Variants in POLQ observed in about 807,000 individuals in gnomAD.
POLQ encodes DNA polymerase theta.
Under a neutral mutation model 259.2 loss-of-function variants are expected in POLQ, and 233 were observed. The ratio of observed to expected loss-of-function variants is 0.90; its 90% CI spans 0.81 to 1.00. The LOEUF (loss-of-function observed/expected upper bound fraction) is 1.00. POLQ is among the 50% of genes least tolerant of loss of function. The probability of loss-of-function intolerance (pLI) is 0.00; values close to 1 mark genes in which losing one functional copy is unlikely to be tolerated. For synonymous variants in POLQ, 1,025 were observed against 1,048.8 expected (o/e 0.98, Z 0.44); for missense variants, 2,871 against 3,051.6 (o/e 0.94, Z 1.39).
chr3:121,493,607 C>CG lies in POLQ; in HGVS notation c.2392dup (p.Arg798ProfsTer26). On this transcript the variant is annotated frameshift_variant, in exon 15 of 30. Transcript: ENST00000264233. LOFTEE classifies it high-confidence loss of function. ...TCTCTGAGCATTTAGTAAGGATACCCGAACCAGGTCACACAGCTCCCTCTG... is the reference window on the plus strand; with the variant it reads ...TCTCTGAGCATTTAGTAAGGATACCCGGAACCAGGTCACACAGCTCCCTCTG... 6.2e-7 allele frequency: 1 copy of CG among 1,614,104 alleles called. No individual in the cohort carries two copies. Among genetic ancestry groups the CG allele is most frequent in the Non-Finnish European group, 8.5e-7 (1 of 1,180,002 alleles).
At chr3:121,494,552 A>G in intron 14 of POLQ, 2 of 1,582,904 alleles carry the variant, frequency 1.3e-6, no homozygotes, top group Non-Finnish European at 1.7e-6. Flanking sequence ...CTTGGTGGAG[A>G]ACAAGAAAGC....
chr3:121,455,528 C>CA (rs141132442), intron 25 of POLQ, among the ~76,000 whole-genome samples: 38 of 149,276 alleles, frequency 2.5e-4, no homozygotes, highest in African/African-American at 6.7e-4. Context: ...CAAATAGACA[C>CA]AAAAAAAAAA....
In POLQ at chr3:121,487,448, A is replaced by G; in HGVS notation, c.5483T>C (p.Ile1828Thr). Residue 1828 changes from isoleucine (I) to threonine (T), a missense_variant, in exon 16 of 30, where the codon ATT (isoleucine) becomes ACT (threonine). By Grantham distance (89) the Ile-to-Thr change is moderately conservative (BLOSUM62 -1). Coordinates refer to ENST00000264233, the MANE Select transcript of POLQ (RefSeq NM_199420.4). ...AAGATTTTGGTCACTTGCTACATCA[A>G]TTATGGACAAACTTTCTGAACTGCT... is the stretch of plus-strand genomic sequence containing the variant. ...ASSSSESLSIIDVASDQNLFQ... is the reference protein window; with the variant it reads ...ASSSSESLSITDVASDQNLFQ... The G allele has an allele frequency of 6.2e-7, 1 of 1,614,090 alleles. No homozygotes were observed.
At chr3:121,476,765 T>G in intron 19 of POLQ, 32 bp from the exon 20 acceptor site, 1 of 1,488,480 alleles carries the variant, frequency 6.7e-7, no homozygotes, top group East Asian at 2.3e-5. Context: ...AAACGTTAAT[T>G]CATTGGCTAA....
chr3:121,501,623 CT>C (rs2048169116), intron 12 of POLQ, among the ~76,000 whole-genome samples: 1 of 123,242 alleles, frequency 8.1e-6, no homozygotes, highest in Non-Finnish European at 1.6e-5. Context: ...GATCCCGCCA[CT>C]GCACTCCAGC....
At chr3:121,447,373 T>A (rs777181690) in intron 26 of POLQ, among the ~76,000 whole-genome samples, 19 of 152,054 alleles carry the variant, frequency 1.2e-4, no homozygotes, top group Admixed American at 3.3e-4. Context: ...AGTTTCACCA[T>A]GTTGGTCTTG....
intron 25 of POLQ, among the ~76,000 whole-genome samples, chr3:121,458,031 T>C (rs1239740890): frequency 6.6e-6 from 1 of 152,160 alleles, no homozygotes; most frequent in East Asian, 1.9e-4. Flanking sequence ...GTGGCACATA[T>C]ACACCATGGA....
Position 121,468,582 on chromosome 3 carries a change from T to C in POLQ, c.6719-151A>G, listed in dbSNP as rs2047857469. The C allele has an allele frequency of 7.0e-6, 4 of 572,494 alleles. No homozygotes were observed. In the South Asian group the frequency reaches 7.3e-5, roughly 10 times the overall value. The allele number at this position is 572,494 out of a possible 1,614,324, so 35.5% of individuals were successfully genotyped here. A position where few individuals can be genotyped will look rare whatever the true frequency, so the allele number is the denominator to read the frequency against. On this transcript the variant is annotated intron_variant, in intron 22 of 29. Transcript: ENST00000264233. ...ATTTAAATATTTTTCATCATGTTCA[T>C]GTGTCTAACAATGATAAAATAAGTA...
At chr3:121,527,110 G>C (rs911278608) in intron 7 of POLQ, among the ~76,000 whole-genome samples, 3 of 151,992 alleles carry the variant, frequency 2.0e-5, no homozygotes, top group African/African-American at 7.2e-5. Context: ...GCCCAGGGTG[G>C]AGTGCGGTGG....
intron 14 of POLQ, 40 bp downstream of exon 14, chr3:121,496,768 C>A: frequency 6.4e-7 from 1 of 1,570,404 alleles, no homozygotes; most frequent in South Asian, 1.2e-5. Flanking sequence ...GACCTCAAAT[C>A]ACAGTATTAA....
chr3:121,514,270 G>C (rs566793021), intron 9 of POLQ, among the ~76,000 whole-genome samples: 47 of 148,716 alleles, frequency 3.2e-4, no homozygotes, highest in South Asian at 2.2e-3. Flanking sequence ...GGAGGTTGCA[G>C]TGAACCAAGA....
At chr3:121,543,281 A>C (rs964727975) in intron 2 of POLQ, among the ~76,000 whole-genome samples, 8 of 152,206 alleles carry the variant, frequency 5.3e-5, no homozygotes. Flanking sequence ...ACTTCTTAGC[A>C]TTTACAAGTA....
At position 121,496,811 on chromosome 3, in the gene POLQ, C is replaced by G. The variant is rs1467176430; in HGVS notation, c.2275G>C (p.Ala759Pro). ...QSLQQSAAVY[A>P]GMITVFSNRL... is the part of the protein sequence containing the mutation. ...TGAAACCCTTTGTTTAACTGACCTG[C>G]ATAAACAGCAGCTGACTGTTGCAAA... The change falls in exon 14 of 30, where the codon GCA (alanine) becomes CCA (proline). Residue 759 changes from alanine (A) to proline (P), a missense_variant. Ala to Pro is a conservative substitution (Grantham distance 27). This residue lies in a region of POLQ where 8 missense variants were observed against 19.3 expected (regional missense o/e 0.41). Coordinates refer to ENST00000264233, the MANE Select transcript of POLQ (RefSeq NM_199420.4). The G allele has an allele frequency of 6.2e-7, 1 of 1,611,414 alleles. No homozygotes were observed. Among genetic ancestry groups the G allele is most frequent in the Admixed American group, 1.7e-5 (1 of 59,124 alleles).
chr3:121,530,631 A>C (rs7622867), intron 6 of POLQ, among the ~76,000 whole-genome samples: 1 of 152,030 alleles, frequency 6.6e-6, no homozygotes, highest in Non-Finnish European at 1.5e-5. Flanking sequence ...ATTATCTCAA[A>C]GAAAGGCAAC....
chr3:121,481,532 C>A (rs763499967), intron 19 of POLQ, 40 bp downstream of exon 19: 6 of 1,536,630 alleles, frequency 3.9e-6, no homozygotes, highest in Non-Finnish European at 5.3e-6. Flanking sequence ...ATCTCTATCT[C>A]TAATCTATAA....
chr3:121,494,456 T>G, intron 14 of POLQ: 1 of 1,511,664 alleles, frequency 6.6e-7, no homozygotes, highest in East Asian at 2.3e-5. Flanking sequence ...GCTGTTGGCC[T>G]GGGCCAAGAA....
intron 8 of POLQ, 86 bp downstream of exon 8, chr3:121,521,917 C>T: frequency 1.0e-6 from 1 of 986,894 alleles, no homozygotes; most frequent in Middle Eastern, 2.2e-4. Flanking sequence ...GTGTGTTTAA[C>T]AAGAAATAAA....
intron 17 of POLQ, 65 bp downstream of exon 17, chr3:121,484,976 A>T: frequency 8.6e-7 from 1 of 1,168,106 alleles, no homozygotes; most frequent in Non-Finnish European, 1.2e-6. Flanking sequence ...TCAAAATATA[A>T]GATCACTACC....
At position 121,488,291 on chromosome 3, in the gene POLQ, T is replaced by C. The variant is rs755180976; in HGVS notation, c.4640A>G (p.Gln1547Arg). 6.2e-7 allele frequency: 1 copy of C among 1,612,612 alleles called. No individual in the cohort carries two copies. Among genetic ancestry groups the C allele is most frequent in the South Asian group, 1.1e-5 (1 of 90,736 alleles). ...AGATTCATCATTGGAACAAGTCAAC[T>C]GCTGGTGGGTATCTTGATTCTCATT... ...NVNENQDTHQ[Q>R]LTCSNDESII... Residue 1547 changes from glutamine to arginine, a missense_variant, in exon 16 of 30, where the codon CAG (glutamine) becomes CGG (arginine). Gln to Arg is a conservative substitution (Grantham distance 43). Transcript: ENST00000264233.
Sources: gnomAD v4.1 joint callset for allele counts (sites outside exome capture counted in the v4.1 genomes callset) on GRCh38, gnomAD v4.1.1 for gene constraint, gnomAD v4.1.1 regional missense constraint, MANE v1.5 for transcripts, NCBI Gene and HGNC (gene_info 2026-07-23, HGNC 2026-07-21) for gene names.